The following MAMLD1 variants were observed in gnomAD, a reference collection of about 807,000 sequenced individuals.
The protein encoded by MAMLD1 is mastermind like domain containing 1, also known as mastermind-like domain-containing protein 1.
MAMLD1 carries 14 observed loss-of-function variants against 45.0 expected under a neutral mutation model. The ratio of observed to expected loss-of-function variants is 0.31; its 90% CI spans 0.21 to 0.49. MAMLD1 has a LOEUF of 0.49. MAMLD1 is among the 20% of genes least tolerant of loss of function. The pLI is 0.99. For missense variants in MAMLD1, 543 were observed against 603.6 expected (o/e 0.90, Z 1.05); for synonymous variants, 254 against 247.8 (o/e 1.02, Z -0.24).
At chrX:150,391,000 TC>T (rs1382409038) in intron 1 of MAMLD1, among the ~76,000 whole-genome samples, 1 of 112,377 alleles carries the variant, frequency 8.9e-6, no homozygotes, top group African/African-American at 3.2e-5. Context: ...CCTTCTGTAC[TC>T]CATGGTTCCT....
chrX:150,507,580 T>A (rs1195644420), intron 6 of MAMLD1, among the ~76,000 whole-genome samples: 1 of 112,051 alleles, frequency 8.9e-6, no homozygotes, highest in Non-Finnish European at 1.9e-5. Context: ...GACTTGAAGA[T>A]CCTGCAGAGC....
At chrX:150,489,965 C>A (rs1255819263) in intron 5 of MAMLD1, among the ~76,000 whole-genome samples, 1 of 111,195 alleles carries the variant, frequency 9.0e-6, no homozygotes. Flanking sequence ...TCAACCAGGC[C>A]AATAGAGAGT....
At chrX:150,384,384 C>G (rs181731110) in intron 1 of MAMLD1, among the ~76,000 whole-genome samples, 1 of 111,976 alleles carries the variant, frequency 8.9e-6, no homozygotes, top group East Asian at 2.8e-4. Flanking sequence ...CATCTTTTCA[C>G]GTGCTTTATT....
chrX:150,392,972 C>T (rs1321267102), intron 1 of MAMLD1, among the ~76,000 whole-genome samples: 1 of 110,453 alleles, frequency 9.1e-6, no homozygotes, highest in Non-Finnish European at 1.9e-5. Context: ...CACCCAAAGT[C>T]CATAGTCTAC....
At position 150,433,110 on chromosome X, in the gene MAMLD1, G is replaced by A. The variant is rs77725647; in HGVS notation, c.-63-12344G>A. Reference sequence around the variant, plus strand: ...ATTTGAGCAGTTTTTTTTAGCTCTTGTTCTAGAGATCTTTCACCTCCTTGG... The same window carrying A: ...ATTTGAGCAGTTTTTTTTAGCTCTTATTCTAGAGATCTTTCACCTCCTTGG... On this transcript the variant is annotated intron_variant, in intron 1 of 7. Coordinates refer to ENST00000370401, the MANE Select transcript of MAMLD1 (RefSeq NM_005491.5). Among the ~76,000 whole-genome samples the A allele has an allele frequency of 3.4e-3, 381 of 110,709 alleles. 6 individuals are homozygous for A. Among genetic ancestry groups the A allele is most frequent in the African/African-American group, 0.012 (366 of 30,459 alleles).
chrX:150,432,925 A>T (rs970246212), intron 1 of MAMLD1, among the ~76,000 whole-genome samples: 7 of 109,025 alleles, frequency 6.4e-5, no homozygotes, highest in African/African-American at 2.3e-4. Context: ...TATGAATTTT[A>T]TTTTTTTTTC....
chrX:150,402,623 A>G (rs185429458), intron 1 of MAMLD1, among the ~76,000 whole-genome samples: 4,391 of 111,523 alleles, frequency 0.039, 236 homozygotes, highest in African/African-American at 0.13. Context: ...ACATGCACAC[A>G]TATGTTTATT....
intron 1 of MAMLD1, among the ~76,000 whole-genome samples, chrX:150,374,758 C>T (rs1280370858): frequency 1.8e-5 from 2 of 111,638 alleles, no homozygotes; most frequent in Non-Finnish European, 3.8e-5. Flanking sequence ...AGTCCAGTGC[C>T]TTGAGGAGGT....
At chrX:150,367,769 C>T (rs1006158081) in intron 1 of MAMLD1, among the ~76,000 whole-genome samples, 3 of 102,778 alleles carry the variant, frequency 2.9e-5, no homozygotes, top group African/African-American at 1.1e-4. Context: ...TCCATGTGTT[C>T]TCATTGTTCA....
At chrX:150,366,390 C>G (rs1341501275) in intron 1 of MAMLD1, among the ~76,000 whole-genome samples, 4 of 112,037 alleles carry the variant, frequency 3.6e-5, no homozygotes, top group Non-Finnish European at 7.5e-5. Flanking sequence ...CCAACTGCAT[C>G]TAAAACCACA....
chrX:150,478,364 A>G (rs1602957112), intron 5 of MAMLD1, among the ~76,000 whole-genome samples: 2 of 111,271 alleles, frequency 1.8e-5, no homozygotes, highest in Admixed American at 1.9e-4. Flanking sequence ...AAAATACATG[A>G]CCTCCACCCC....
At chrX:150,486,763 C>T (rs2037003043) in intron 5 of MAMLD1, among the ~76,000 whole-genome samples, 1 of 111,408 alleles carries the variant, frequency 9.0e-6, no homozygotes, top group South Asian at 3.8e-4. Flanking sequence ...TCACCATGCT[C>T]ACCTTGGCAT....
Position 150,366,164 on chromosome X carries a change from G to A in MAMLD1, c.-64+2634G>A, listed in dbSNP as rs189935532. 2.9e-3 allele frequency among the ~76,000 whole-genome samples: 324 copies of A among 111,200 alleles called. 2 individuals are homozygous for A. Among genetic ancestry groups the A allele is most frequent in the Admixed American group, 0.02 (212 of 10,619 alleles). On this transcript the variant is annotated intron_variant, in intron 1 of 7. Transcript: ENST00000370401. The stretch of plus-strand genomic sequence containing the variant: ...CGAAGTCAGATTCCACCCGCTCTCT[G>A]GCCGCCTCCGCCCCTCCTACTTCCA...
chrX:150,505,696 C>G (rs2266841), intron 6 of MAMLD1, among the ~76,000 whole-genome samples: 39,588 of 111,540 alleles, frequency 0.35, 5,403 homozygotes, highest in Non-Finnish European at 0.44. Flanking sequence ...TCATTACTCC[C>G]AGTGGTCCTG....
At chrX:150,465,583 A>T (rs2036190530) in intron 3 of MAMLD1, among the ~76,000 whole-genome samples, 1 of 112,376 alleles carries the variant, frequency 8.9e-6, no homozygotes, top group Non-Finnish European at 1.9e-5. Context: ...TTTCTAAAAG[A>T]TGCCAGGGCA....
chrX:150,500,621 C>T (rs1202614319), intron 5 of MAMLD1, among the ~76,000 whole-genome samples: 1 of 111,732 alleles, frequency 8.9e-6, no homozygotes, highest in Non-Finnish European at 1.9e-5. Context: ...TAGACCTTGT[C>T]AGTCCATGAG....
intron 1 of MAMLD1, among the ~76,000 whole-genome samples, chrX:150,369,265 C>A (rs1208885210): frequency 1.8e-5 from 2 of 110,877 alleles, no homozygotes; most frequent in African/African-American, 6.6e-5. Flanking sequence ...TGATCTTGGA[C>A]AAGTCCATCC....
At chrX:150,425,503 C>T (rs1161726801) in intron 1 of MAMLD1, among the ~76,000 whole-genome samples, 1 of 112,245 alleles carries the variant, frequency 8.9e-6, no homozygotes, top group Non-Finnish European at 1.9e-5. Flanking sequence ...TTAAAATTCA[C>T]AGAAATATTA....
chrX:150,418,597 A>G (rs1458439872), intron 1 of MAMLD1, among the ~76,000 whole-genome samples: 5 of 100,426 alleles, frequency 5.0e-5, no homozygotes. Context: ...TTCCCTCTAC[A>G]CACTGCTTTG....
Sources: allele counts gnomAD v4.1 joint callset (sites outside exome capture counted in the v4.1 genomes callset), GRCh38; gene constraint gnomAD v4.1.1; transcripts MANE v1.5; gene names NCBI Gene and HGNC (gene_info 2026-07-23, HGNC 2026-07-21).